Variants in NELL1 observed in about 807,000 individuals in gnomAD.
The protein encoded by NELL1 is neural EGFL like 1.
A neutral mutation model predicts 107.4 loss-of-function variants in NELL1; 76 were observed. The ratio of observed to expected loss-of-function variants is 0.71; its 90% CI spans 0.59 to 0.86. NELL1 has a LOEUF of 0.86. Ranked by LOEUF, NELL1 falls within the 40% of genes least tolerant of loss-of-function variation. NELL1 has a pLI of 0.00. For missense variants in NELL1, 1,024 were observed against 1,005.5 expected (o/e 1.02, Z -0.25); for synonymous variants, 353 against 341.2 (o/e 1.03, Z -0.38).
At chr11:20,948,920 G>A (rs1276521330) in intron 11 of NELL1, among the ~76,000 whole-genome samples, 2 of 152,042 alleles carry the variant, frequency 1.3e-5, no homozygotes, top group Non-Finnish European at 2.9e-5. Context: ...CTGCAGCATA[G>A]CAATTTAGCT....
At chr11:20,739,878 A>T (rs548748831) in intron 2 of NELL1, among the ~76,000 whole-genome samples, 1 of 152,294 alleles carries the variant, frequency 6.6e-6, no homozygotes, top group East Asian at 1.9e-4. Flanking sequence ...TCACTCAGAG[A>T]CATGCAACAA....
Position 21,299,532 on chromosome 11 carries a change from TG to T in NELL1, c.1549+70079del, listed in dbSNP as rs1290819767. Among the ~76,000 whole-genome samples, 76 of 90,964 alleles carry T rather than the reference TG, an allele frequency of 8.4e-4. 1 individual carries two copies. Among genetic ancestry groups the T allele is most frequent in the Non-Finnish European group, 1.8e-3 (57 of 32,176 alleles). 59.7% of individuals were successfully genotyped at this position (90,964 alleles called of 152,430 possible). ...TTATATGTGTGTGTGTGTGTGTGTG[TG>T]TGTGTGTGTGTGTGTGTGTGTGTGT... On this transcript the variant is annotated intron_variant, in intron 14 of 19. Coordinates refer to ENST00000357134, the MANE Select transcript of NELL1 (RefSeq NM_006157.5).
chr11:20,879,570 C>A (rs1849369441), intron 4 of NELL1, among the ~76,000 whole-genome samples: 1 of 152,074 alleles, frequency 6.6e-6, no homozygotes, highest in Admixed American at 6.6e-5. Flanking sequence ...GAAAAGCTAA[C>A]TGATGGCCAG....
chr11:21,509,127 T>G (rs751143169), intron 15 of NELL1, among the ~76,000 whole-genome samples: 24 of 152,094 alleles, frequency 1.6e-4, no homozygotes, highest in Non-Finnish European at 2.8e-4. Flanking sequence ...TAGAAAGATG[T>G]TTTACTAGTA....
chr11:20,670,924 G>C (rs1225543798), intron 1 of NELL1, among the ~76,000 whole-genome samples: 5 of 152,234 alleles, frequency 3.3e-5, no homozygotes, highest in Non-Finnish European at 5.9e-5. Flanking sequence ...AAGAAGGGGC[G>C]TCTGCACTTG....
intron 12 of NELL1, among the ~76,000 whole-genome samples, chr11:21,081,474 C>A (rs549585642): frequency 7.9e-5 from 12 of 152,052 alleles, no homozygotes; most frequent in Non-Finnish European, 1.5e-4. Flanking sequence ...ATCCAAATGC[C>A]CAATTACTAT....
At chr11:21,040,170 A>ATG (rs745790724) in intron 12 of NELL1, among the ~76,000 whole-genome samples, 2 of 150,252 alleles carry the variant, frequency 1.3e-5, no homozygotes, top group African/African-American at 2.4e-5. Context: ...CACACTATAT[A>ATG]TGTGTGTGTG....
intron 3 of NELL1, among the ~76,000 whole-genome samples, chr11:20,822,721 G>C (rs927488340): frequency 6.6e-6 from 1 of 152,186 alleles, no homozygotes; most frequent in Non-Finnish European, 1.5e-5. Flanking sequence ...GTGTCCAGGA[G>C]TAGAAAAACA....
At chr11:21,252,933 G>A (rs1249717043) in intron 14 of NELL1, among the ~76,000 whole-genome samples, 1 of 152,066 alleles carries the variant, frequency 6.6e-6, no homozygotes, top group Non-Finnish European at 1.5e-5. Context: ...AGTAATTCAT[G>A]GTCTTGGAGT....
intron 15 of NELL1, among the ~76,000 whole-genome samples, chr11:21,509,386 T>G (rs999324056): frequency 2.0e-5 from 3 of 152,224 alleles, no homozygotes; most frequent in Admixed American, 2.0e-4. Context: ...GAAACTCTTG[T>G]GCATGTATAA....
At position 21,476,674 on chromosome 11, in the gene NELL1, G is replaced by GA. The variant is rs1055410958; in HGVS notation, c.1646-57695dup. On this transcript the variant is annotated intron_variant, in intron 15 of 19. Coordinates refer to ENST00000357134, the MANE Select transcript of NELL1 (RefSeq NM_006157.5). ...TACCTAGTTTTAACTTCATATTACTGAAAAAGGCACTGAAAGAGGAAGAGT... is the reference window on the plus strand; with the variant it reads ...TACCTAGTTTTAACTTCATATTACTGAAAAAAGGCACTGAAAGAGGAAGAGT... Among the ~76,000 whole-genome samples, 22 of 152,252 alleles carry GA rather than the reference G, an allele frequency of 1.4e-4. 1 individual carries two copies. In the South Asian group the frequency reaches 4.1e-3, roughly 29 times the overall value.
Position 20,970,510 on chromosome 11 carries a change from T to C in NELL1, c.1300+9950T>C, listed in dbSNP as rs138550298. ...TTGTTCTATCCTAGGATTTAAATAGTGTTGTAGGAATACAATGGTGAGAGC... is the reference window on the plus strand; with the variant it reads ...TTGTTCTATCCTAGGATTTAAATAGCGTTGTAGGAATACAATGGTGAGAGC... On this transcript the variant is annotated intron_variant, in intron 12 of 19. Coordinates refer to ENST00000357134, the MANE Select transcript of NELL1 (RefSeq NM_006157.5). 1.9e-4 allele frequency among the ~76,000 whole-genome samples: 29 copies of C among 152,266 alleles called. No individual in the cohort carries two copies. The East Asian group carries it at 5.4e-3, about 28-fold the overall frequency.
At chr11:21,245,648 C>T (rs776105140) in intron 14 of NELL1, among the ~76,000 whole-genome samples, 3 of 152,120 alleles carry the variant, frequency 2.0e-5, no homozygotes, top group Admixed American at 6.6e-5. Context: ...CGTAGGCAGG[C>T]GGACAATGTA....
At chr11:21,124,849 C>T (rs1341841529) in intron 13 of NELL1, among the ~76,000 whole-genome samples, 12 of 152,098 alleles carry the variant, frequency 7.9e-5, no homozygotes, top group Non-Finnish European at 1.3e-4. Context: ...GATCTGCCTG[C>T]CTCAGCCTCC....
At chr11:20,768,171 C>A (rs1216482073) in intron 2 of NELL1, among the ~76,000 whole-genome samples, 1 of 152,120 alleles carries the variant, frequency 6.6e-6, no homozygotes, top group African/African-American at 2.4e-5. Flanking sequence ...TCATTTAATC[C>A]TTATAACAAT....
intron 15 of NELL1, among the ~76,000 whole-genome samples, chr11:21,402,165 C>T (rs572202981): frequency 6.6e-6 from 1 of 151,864 alleles, no homozygotes; most frequent in Non-Finnish European, 1.5e-5. Context: ...CTCCTGGTTT[C>T]GCATCTAACT....
intron 13 of NELL1, among the ~76,000 whole-genome samples, chr11:21,173,194 A>G (rs927492233): frequency 1.3e-5 from 2 of 151,766 alleles, no homozygotes; most frequent in South Asian, 4.1e-4. Flanking sequence ...TGAGACACAC[A>G]CTGCTCCAGG....
chr11:20,917,693 A>G (rs1452499473), intron 5 of NELL1, among the ~76,000 whole-genome samples: 1 of 151,986 alleles, frequency 6.6e-6, no homozygotes, highest in Non-Finnish European at 1.5e-5. Flanking sequence ...AGACTCATCA[A>G]CAAAGACTCA....
chr11:21,516,971 G>T (rs983195676), intron 15 of NELL1, among the ~76,000 whole-genome samples: 5 of 151,956 alleles, frequency 3.3e-5, no homozygotes, highest in African/African-American at 1.2e-4. Flanking sequence ...TGTATTTTTA[G>T]TAGAGACGGG....
Sources: allele counts gnomAD v4.1 joint callset (sites outside exome capture counted in the v4.1 genomes callset), GRCh38; gene constraint gnomAD v4.1.1; transcripts MANE v1.5; gene names NCBI Gene and HGNC (gene_info 2026-07-23, HGNC 2026-07-21).